The following RFPL1 variants were observed in gnomAD, a reference collection of about 807,000 sequenced individuals.
RFPL1 encodes ret finger protein-like 1.
In RFPL1, 6 loss-of-function variants were observed where a neutral mutation model predicts 9.6. That is an observed-to-expected ratio of 0.62 (90% CI 0.34 to 1.23). The LOEUF is 1.23. Among genes scored for constraint, RFPL1 ranks in the 50% most tolerant of loss-of-function variants. RFPL1 has a pLI of 0.03. For synonymous variants in RFPL1, 145 were observed against 149.4 expected, an observed-to-expected ratio of 0.97 and a Z score of 0.22; for missense variants, 352 against 398.4, an observed-to-expected ratio of 0.88 and a Z score of 0.99.
the RFPL1 span, among the ~76,000 whole-genome samples, chr22:29,413,544 A>G: frequency 1.1e-4 from 17 of 152,334 alleles, no homozygotes; most frequent in African/African-American, 3.8e-4. Context: ...TTTTTAGACC[A>G]AAGAAAGCCA....
the RFPL1 span, among the ~76,000 whole-genome samples, chr22:29,406,088 C>A: frequency 8.6e-6 from 1 of 116,426 alleles, no homozygotes; most frequent in Non-Finnish European, 1.7e-5. Context: ...CGCAGTCCGG[C>A]CTGGGGGACA....
At chr22:29,388,092 T>C in the RFPL1 span, among the ~76,000 whole-genome samples, 1 of 152,160 alleles carries the variant, frequency 6.6e-6, no homozygotes, top group Non-Finnish European at 1.5e-5. Context: ...AGGATGGCCA[T>C]GGAGGTGAGT....
At chr22:29,389,788 T>C in the RFPL1 span, among the ~76,000 whole-genome samples, 3 of 136,948 alleles carry the variant, frequency 2.2e-5, no homozygotes, top group Non-Finnish European at 4.7e-5. Flanking sequence ...ACTTGATAGA[T>C]CATTTGTTTT....
chr22:29,428,190 C>T, the RFPL1 span, among the ~76,000 whole-genome samples: 1 of 152,096 alleles, frequency 6.6e-6, no homozygotes, highest in African/African-American at 2.4e-5. Flanking sequence ...ACGAAAGGTT[C>T]ACCAAAAGCA....
At chr22:29,401,472 G>T in the RFPL1 span, among the ~76,000 whole-genome samples, 1 of 152,120 alleles carries the variant, frequency 6.6e-6, no homozygotes, top group Non-Finnish European at 1.5e-5. Context: ...CCTCTTTCTC[G>T]TCCTACATTC....
chr22:29,419,889 C>T, the RFPL1 span, among the ~76,000 whole-genome samples: 2 of 152,018 alleles, frequency 1.3e-5, no homozygotes, highest in Non-Finnish European at 2.9e-5. Flanking sequence ...TACAAAGGTT[C>T]TGAGGAAGAC....
exon 1 of RFPL1, chr22:29,438,681 C>T (rs1165166736): frequency 6.5e-7 from 1 of 1,537,834 alleles, no homozygotes; most frequent in East Asian, 2.3e-5. Context: ...GACTTTCTTT[C>T]CCAATAGAAC....
At chr22:29,397,588 C>T in the RFPL1 span, among the ~76,000 whole-genome samples, 6 of 152,320 alleles carry the variant, frequency 3.9e-5, no homozygotes, top group Non-Finnish European at 7.3e-5. Flanking sequence ...AAAACCAGAT[C>T]TTCTGTATCA....
chr22:29,418,496 CTTTTTTTTTTTT>C, the RFPL1 span, among the ~76,000 whole-genome samples: 3 of 124,484 alleles, frequency 2.4e-5, no homozygotes, highest in Non-Finnish European at 3.4e-5. Flanking sequence ...TCTTCGTCTT[CTTTTTTTTTTTT>C]TTTTTTTTTG....
the RFPL1 span, among the ~76,000 whole-genome samples, chr22:29,399,449 A>G: frequency 7.2e-5 from 11 of 152,210 alleles, no homozygotes; most frequent in Non-Finnish European, 1.6e-4. Flanking sequence ...ATCATCCAAA[A>G]TGGTATCTAA....
At chr22:29,416,957 C>A in the RFPL1 span, among the ~76,000 whole-genome samples, 1 of 152,150 alleles carries the variant, frequency 6.6e-6, no homozygotes, top group Non-Finnish European at 1.5e-5. Context: ...GGTTAGAGAT[C>A]AATTTTCTAT....
At chr22:29,441,368 T>C in intron 1 of RFPL1, 174 bp from the exon 2 acceptor site, 1 of 702,256 alleles carries the variant, frequency 1.4e-6, no homozygotes. Flanking sequence ...CCACAAAGCA[T>C]ACCTATGAGA....
exon 2 of RFPL1, chr22:29,442,209 T>A: frequency 1.0e-6 from 1 of 978,356 alleles, no homozygotes; most frequent in Non-Finnish European, 1.5e-6. Flanking sequence ...AAAAGCGTTA[T>A]ACAAAGTCAT....
the RFPL1 span, among the ~76,000 whole-genome samples, chr22:29,394,249 G>A: frequency 6.6e-6 from 1 of 152,092 alleles, no homozygotes; most frequent in Non-Finnish European, 1.5e-5. Flanking sequence ...CGCCTCCTGG[G>A]TTCAAGTGAT....
At chr22:29,412,082 G>C in the RFPL1 span, among the ~76,000 whole-genome samples, 1 of 152,132 alleles carries the variant, frequency 6.6e-6, no homozygotes, top group Admixed American at 6.6e-5. Flanking sequence ...CCATCTCTTT[G>C]TGTGATGATG....
At chr22:29,423,020 T>G in the RFPL1 span, 230 of 849,158 alleles carry the variant, frequency 2.7e-4, no homozygotes, top group African/African-American at 1.6e-3. Context: ...TGCCACATGT[T>G]TCCAGGCCTT....
the RFPL1 span, among the ~76,000 whole-genome samples, chr22:29,402,520 G>A: frequency 6.6e-6 from 1 of 152,184 alleles, no homozygotes; most frequent in East Asian, 1.9e-4. Context: ...AAAGTGTGAT[G>A]TGTCCTAGGG....
chr22:29,413,070 G>C, the RFPL1 span, among the ~76,000 whole-genome samples: 6 of 151,876 alleles, frequency 4.0e-5, no homozygotes, highest in Admixed American at 2.0e-4. Flanking sequence ...GGTAGGATCA[G>C]AGCAGCAAAC....
At chr22:29,393,127 T>A in the RFPL1 span, among the ~76,000 whole-genome samples, 1 of 152,156 alleles carries the variant, frequency 6.6e-6, no homozygotes, top group African/African-American at 2.4e-5. Flanking sequence ...GTCAGGGAAG[T>A]CTTCCTGGAG....
Sources: gnomAD v4.1 joint callset for allele counts (sites outside exome capture counted in the v4.1 genomes callset) on GRCh38, gnomAD v4.1.1 for gene constraint, MANE v1.5 for transcripts, NCBI Gene and HGNC (gene_info 2026-07-23, HGNC 2026-07-21) for gene names.